The following ZNF536 variants were observed in gnomAD, a reference collection of about 807,000 sequenced individuals.
ZNF536 encodes the protein zinc finger protein 536.
In ZNF536, 13 loss-of-function variants were observed where a neutral mutation model predicts 84.5. That is an observed-to-expected ratio of 0.15 (90% CI 0.10 to 0.24). ZNF536 has a LOEUF of 0.24. ZNF536 is among the 10% of genes least tolerant of loss of function. The pLI, the probability that ZNF536 is intolerant of heterozygous loss-of-function variation, is 1.00. For missense variants in ZNF536, 1,536 were observed against 1,747.5 expected (o/e 0.88, Z 2.16); for synonymous variants, 811 against 742.5 (o/e 1.09, Z -1.50).
chr19:30,242,156 C>T (rs2023983252), intron 1 of ZNF536, among the ~76,000 whole-genome samples: 1 of 152,100 alleles, frequency 6.6e-6, no homozygotes, highest in Non-Finnish European at 1.5e-5. Context: ...ATCTTCCTTC[C>T]AAGTGGCCCT....
chr19:30,459,350 C>G (rs1423679712), intron 2 of ZNF536, among the ~76,000 whole-genome samples: 2 of 114,052 alleles, frequency 1.8e-5, no homozygotes, highest in Non-Finnish European at 3.7e-5. Flanking sequence ...TTCTTTCTTT[C>G]TCTCTTTTTT....
downstream of ZNF536, among the ~76,000 whole-genome samples, chr19:30,558,301 TG>T (rs1320891138): frequency 2.7e-5 from 4 of 150,734 alleles, no homozygotes; most frequent in African/African-American, 9.8e-5. Context: ...CTGTGGGGGG[TG>T]GGGGAGAGCC....
At chr19:30,456,535 A>G (rs534838605) in intron 2 of ZNF536, among the ~76,000 whole-genome samples, 1 of 152,134 alleles carries the variant, frequency 6.6e-6, no homozygotes, top group Non-Finnish European at 1.5e-5. Context: ...TGTTTGCACC[A>G]TGAGAAAATC....
At chr19:30,599,865 T>C (rs2047620788) in intron 1 of ZNF536, among the ~76,000 whole-genome samples, 1 of 152,132 alleles carries the variant, frequency 6.6e-6, no homozygotes, top group Non-Finnish European at 1.5e-5. Flanking sequence ...CATCTTTTGA[T>C]TTTCTGAAAA....
intron 2 of ZNF536, among the ~76,000 whole-genome samples, chr19:30,481,056 G>A (rs2054066627): frequency 6.6e-6 from 1 of 151,842 alleles, no homozygotes; most frequent in Non-Finnish European, 1.5e-5. Flanking sequence ...GGTGGGTTGG[G>A]GGGCTTTTTA....
intron 1 of ZNF536, among the ~76,000 whole-genome samples, chr19:30,701,424 A>AAC (rs541043604): frequency 7.2e-6 from 1 of 139,064 alleles, no homozygotes; most frequent in Non-Finnish European, 1.6e-5. Context: ...AAAACACACA[A>AAC]ACACACACAC....
intron 1 of ZNF536, among the ~76,000 whole-genome samples, chr19:30,264,482 G>A (rs1488928107): frequency 1.3e-5 from 2 of 151,588 alleles, no homozygotes; most frequent in African/African-American, 4.9e-5. Flanking sequence ...GAGACAAAAT[G>A]GAAGGTTTCA....
intron 2 of ZNF536, among the ~76,000 whole-genome samples, chr19:30,286,970 C>A (rs886325910): frequency 6.6e-6 from 1 of 152,120 alleles, no homozygotes; most frequent in Non-Finnish European, 1.5e-5. Context: ...CTCTGATTTA[C>A]CTTTGTGTTA....
intron 1 of ZNF536, among the ~76,000 whole-genome samples, chr19:30,628,010 C>T (rs943191973): frequency 2.0e-5 from 3 of 152,202 alleles, no homozygotes; most frequent in African/African-American, 4.8e-5. Context: ...CCCTGCTTCC[C>T]GTGGGGAGGG....
Position 30,530,788 on chromosome 19 carries a change from C to T in ZNF536, c.2171-4059C>T, listed in dbSNP as rs996614965. 5.9e-5 allele frequency among the ~76,000 whole-genome samples: 9 copies of T among 152,322 alleles called. No individual in the cohort carries two copies. The East Asian group carries it at 9.6e-4, about 16-fold the overall frequency. On this transcript the variant is annotated intron_variant, in intron 2 of 4. Coordinates refer to ENST00000355537, the MANE Select transcript of ZNF536 (RefSeq NM_014717.3). ...TGATGGGACTCCCTCCTGCAGTTTG[C>T]AGAGGGGCAGACGCCAGTGCTTTTA...
chr19:30,592,797 C>T (rs547944422), intron 1 of ZNF536, among the ~76,000 whole-genome samples: 10 of 152,202 alleles, frequency 6.6e-5, no homozygotes, highest in East Asian at 1.9e-4. Flanking sequence ...TGGACATATC[C>T]GCTGTGCTAC....
At chr19:30,519,962 G>C (rs938385745) in intron 2 of ZNF536, among the ~76,000 whole-genome samples, 1 of 152,234 alleles carries the variant, frequency 6.6e-6, no homozygotes, top group Admixed American at 6.5e-5. Context: ...TGATTGGGCA[G>C]ACCTGACTTA....
intron 1 of ZNF536, among the ~76,000 whole-genome samples, chr19:30,571,105 C>T (rs2046530850): frequency 6.6e-6 from 1 of 152,170 alleles, no homozygotes; most frequent in South Asian, 2.1e-4. Flanking sequence ...CATTTTATCC[C>T]CTTTTTTTTT....
chr19:30,561,601 C>G (rs1039410755), downstream of ZNF536, among the ~76,000 whole-genome samples: 2 of 152,166 alleles, frequency 1.3e-5, no homozygotes, highest in African/African-American at 4.8e-5. Flanking sequence ...CACAGGTGCA[C>G]TCATGAGAGG....
intron 1 of ZNF536, among the ~76,000 whole-genome samples, chr19:30,614,506 T>A (rs2048213934): frequency 6.6e-6 from 1 of 151,940 alleles, no homozygotes; most frequent in African/African-American, 2.4e-5. Context: ...GTAGAACAAA[T>A]TCCAAGAAGC....
At chr19:30,443,050 T>G (rs896330659) in intron 1 of ZNF536, among the ~76,000 whole-genome samples, 12 of 151,758 alleles carry the variant, frequency 7.9e-5, no homozygotes, top group Admixed American at 1.3e-4. Context: ...TTTGTTTTTT[T>G]TTTTTTTTTG....
chr19:30,567,984 G>A (rs2046412219), intron 1 of ZNF536, among the ~76,000 whole-genome samples: 1 of 152,116 alleles, frequency 6.6e-6, no homozygotes, highest in Non-Finnish European at 1.5e-5. Flanking sequence ...GTAATAAAAG[G>A]ATCATATGTG....
chr19:30,541,753 A>ATTT (rs2045340523), intron 3 of ZNF536, among the ~76,000 whole-genome samples: 1 of 152,214 alleles, frequency 6.6e-6, no homozygotes, highest in Non-Finnish European at 1.5e-5. Context: ...ATTTCATTAT[A>ATTT]CAAATTAATG....
chr19:30,489,776 T>G (rs998710663), intron 2 of ZNF536, among the ~76,000 whole-genome samples: 4 of 152,242 alleles, frequency 2.6e-5, no homozygotes, highest in Admixed American at 6.5e-5. Context: ...TAGTAGAATC[T>G]GAAGTTATTT....
Sources: allele counts gnomAD v4.1 joint callset (sites outside exome capture counted in the v4.1 genomes callset), GRCh38; gene constraint gnomAD v4.1.1; transcripts MANE v1.5; gene names NCBI Gene and HGNC (gene_info 2026-07-23, HGNC 2026-07-21).